Variants in ZNF516 observed in about 807,000 individuals in gnomAD.
ZNF516 encodes zinc finger protein 516.
A neutral mutation model predicts 79.7 loss-of-function variants in ZNF516; 19 were observed. The ratio of observed to expected loss-of-function variants is 0.24; its 90% confidence interval spans 0.17 to 0.35. The LOEUF (loss-of-function observed/expected upper bound fraction) is 0.35, where lower values mean the gene tolerates loss of function less well. ZNF516 is among the 10% of genes least tolerant of loss of function. The probability of loss-of-function intolerance (pLI) is 1.00; values close to 1 mark genes in which losing one functional copy is unlikely to be tolerated. For synonymous variants in ZNF516, 877 were observed against 739.5 expected (o/e 1.19, Z -3.02); for missense variants, 1,678 against 1,679.5 (o/e 1.00, Z 0.02).
chr18:76,443,292 CCCAAAACATACCCAT>C, intron 2 of ZNF516, 81 bp from the exon 3 acceptor site: 1 of 555,246 alleles, frequency 1.8e-6, no homozygotes, highest in Middle Eastern at 4.6e-4. Context: ...CCACATGCTC[CCCAAAACATACCCAT>C]CCAACCCACA....
intron 3 of ZNF516, among the ~76,000 whole-genome samples, chr18:76,401,248 CTTTTTT>C (rs57990722): frequency 2.5e-5 from 3 of 118,468 alleles, no homozygotes; most frequent in Non-Finnish European, 5.5e-5. Flanking sequence ...TTCAATTTAT[CTTTTTT>C]TTTTTTTTTT....
intron 3 of ZNF516, among the ~76,000 whole-genome samples, chr18:76,438,533 CT>C (rs1253229512): frequency 1.3e-5 from 2 of 152,260 alleles, no homozygotes; most frequent in South Asian, 2.1e-4. Context: ...CAATGACTGA[CT>C]TTTTTTCCAT....
rs977871495 is a variant in ZNF516 at position 76,361,135 on chromosome 18, T to C, written c.*1363A>G. 5 of 152,288 alleles carry C rather than the reference T, an allele frequency of 3.3e-5. No homozygotes were observed. In the South Asian group the frequency reaches 1.0e-3, roughly 32 times the overall value. 9.4% of individuals were successfully genotyped at this position (152,288 alleles called of 1,614,324 possible). On this transcript the variant is annotated 3_prime_UTR_variant, in exon 7 of 7. Transcript: ENST00000443185. ...CCTAGTAAAGCTTTTGCAAAAAATTTCACAGAACATTTTCATTCAAGGCAG... is the reference window on the plus strand; with the variant it reads ...CCTAGTAAAGCTTTTGCAAAAAATTCCACAGAACATTTTCATTCAAGGCAG...
At chr18:76,488,152 A>C in intron 1 of ZNF516, 1 of 985,364 alleles carries the variant, frequency 1.0e-6, no homozygotes, top group South Asian at 4.7e-5. Flanking sequence ...CCCACAACGG[A>C]TGCACAGCCT....
upstream of ZNF516, chr18:76,495,830 A>G (rs1013707921): frequency 1.3e-5 from 12 of 917,434 alleles, no homozygotes; most frequent in African/African-American, 1.5e-4. Context: ...GTGTCACTCA[A>G]CTTCCTGGTA....
intron 3 of ZNF516, among the ~76,000 whole-genome samples, chr18:76,439,331 T>C (rs112038702): frequency 0.06 from 9,196 of 152,316 alleles, 381 homozygotes; most frequent in Middle Eastern, 0.092. Flanking sequence ...TTACGGAAAG[T>C]GACCCACATA....
intron 3 of ZNF516, among the ~76,000 whole-genome samples, chr18:76,421,361 G>A (rs1286894673): frequency 6.6e-6 from 1 of 152,172 alleles, no homozygotes; most frequent in African/African-American, 2.4e-5. Context: ...TTAGGTGATG[G>A]AGACGCTGTG....
At chr18:76,483,562 C>G (rs1439956490) in intron 1 of ZNF516, among the ~76,000 whole-genome samples, 1 of 152,172 alleles carries the variant, frequency 6.6e-6, no homozygotes, top group Non-Finnish European at 1.5e-5. Flanking sequence ...TGTCCCCCGT[C>G]AGCTGGCCCA....
intron 3 of ZNF516, among the ~76,000 whole-genome samples, chr18:76,408,303 T>G (rs1035293293): frequency 6.6e-6 from 1 of 152,208 alleles, no homozygotes; most frequent in Non-Finnish European, 1.5e-5. Flanking sequence ...GTGGGTGAAC[T>G]GATCCTCATC....
chr18:76,463,708 A>T (rs2145686164), intron 1 of ZNF516, among the ~76,000 whole-genome samples: 1 of 152,336 alleles, frequency 6.6e-6, no homozygotes, highest in South Asian at 2.1e-4. Flanking sequence ...AGACGTGCCC[A>T]CTGAAATCGG....
chr18:76,431,650 C>G (rs112269335), intron 3 of ZNF516, among the ~76,000 whole-genome samples: 2,399 of 152,292 alleles, frequency 0.016, 29 homozygotes, highest in Middle Eastern at 0.041. Context: ...GCTGAGTTCA[C>G]GCGAGATCTG....
intron 3 of ZNF516, among the ~76,000 whole-genome samples, chr18:76,401,828 GCTCCATCTCTCCACCAA>G (rs1599186780): frequency 2.3e-3 from 335 of 143,366 alleles, no homozygotes; most frequent in Non-Finnish European, 2.6e-3. Context: ...ACACCCCCGC[GCTCCATCTCTCCACCAA>G]CCACACCCCC....
chr18:76,365,606 C>A (rs186746072), intron 6 of ZNF516, among the ~76,000 whole-genome samples: 4 of 152,236 alleles, frequency 2.6e-5, no homozygotes, highest in Non-Finnish European at 5.9e-5. Flanking sequence ...ATCTTTTAAA[C>A]GACAACATGC....
intron 3 of ZNF516, among the ~76,000 whole-genome samples, chr18:76,426,163 G>C (rs116054749): frequency 1.3e-5 from 2 of 152,170 alleles, no homozygotes; most frequent in Non-Finnish European, 2.9e-5. Flanking sequence ...TCTGACCCTC[G>C]ATAGAGCTAA....
intron 3 of ZNF516, among the ~76,000 whole-genome samples, chr18:76,404,413 G>A (rs1293287713): frequency 6.6e-6 from 1 of 152,092 alleles, no homozygotes; most frequent in African/African-American, 2.4e-5. Context: ...GAGTGTGGGG[G>A]TGAGTGAGCA....
At chr18:76,445,999 G>A (rs542791401) in intron 2 of ZNF516, among the ~76,000 whole-genome samples, 20 of 151,956 alleles carry the variant, frequency 1.3e-4, no homozygotes, top group South Asian at 2.1e-4. Flanking sequence ...ACCCGTCAGC[G>A]TGCAGGTCAC....
intron 3 of ZNF516, among the ~76,000 whole-genome samples, chr18:76,428,098 C>G (rs1483437854): frequency 2.0e-5 from 3 of 152,076 alleles, no homozygotes; most frequent in Non-Finnish European, 1.5e-5. Flanking sequence ...TAAAGAAATC[C>G]ATCATGGTCC....
intron 3 of ZNF516, among the ~76,000 whole-genome samples, chr18:76,413,482 T>TC (rs2075396676): frequency 6.6e-6 from 1 of 152,132 alleles, no homozygotes; most frequent in Non-Finnish European, 1.5e-5. Context: ...GATCCAGGTT[T>TC]CCCATGCAAT....
rs755737358 is a variant in ZNF516 at position 76,442,388 on chromosome 18, G to C, written c.667C>G (p.His223Asp). 6.2e-7 allele frequency: 1 copy of C among 1,608,582 alleles called. No individual in the cohort carries two copies. Among genetic ancestry groups the C allele is most frequent in the Non-Finnish European group, 8.5e-7 (1 of 1,179,624 alleles). Residue 223 changes from histidine to aspartate, a missense_variant, in exon 3 of 7, where the codon CAC becomes GAC. His to Asp is a moderately conservative substitution (Grantham distance 81, BLOSUM62 -1). This residue lies in a region of ZNF516 where 279 missense variants were observed against 254.1 expected (regional missense o/e 1.10). Coordinates refer to ENST00000443185, the MANE Select transcript of ZNF516 (RefSeq NM_014643.4). ...ESLLSHIERD[H>D]ITAQGPGSGE... Reference sequence around the variant, plus strand: ...CTGCCGGGCCCCTGCGCGGTGATGTGGTCCCTCTCGATGTGGCTCAGCAGC... The same window carrying C: ...CTGCCGGGCCCCTGCGCGGTGATGTCGTCCCTCTCGATGTGGCTCAGCAGC...
Sources: gnomAD v4.1 joint callset for allele counts (sites outside exome capture counted in the v4.1 genomes callset) on GRCh38, gnomAD v4.1.1 for gene constraint, gnomAD v4.1.1 regional missense constraint, MANE v1.5 for transcripts, NCBI Gene and HGNC (gene_info 2026-07-23, HGNC 2026-07-21) for gene names.